The following PTPRJ variants were observed in gnomAD, a reference collection of about 807,000 sequenced individuals.
PTPRJ encodes the protein receptor-type tyrosine-protein phosphatase eta.
In PTPRJ, 129 loss-of-function variants were observed where a neutral mutation model predicts 141.3. The ratio of observed to expected loss-of-function variants is 0.91; its 90% CI spans 0.79 to 1.06. The LOEUF is 1.06. PTPRJ is among the 50% of genes least tolerant of loss of function. The pLI is 0.00. For missense variants in PTPRJ, 1,601 were observed against 1,679.7 expected, an observed-to-expected ratio of 0.95 and a Z score of 0.82; for synonymous variants, 610 against 640.5, an observed-to-expected ratio of 0.95 and a Z score of 0.72.
At chr11:48,012,934 A>T (rs1032275713) in intron 1 of PTPRJ, among the ~76,000 whole-genome samples, 2 of 151,816 alleles carry the variant, frequency 1.3e-5, no homozygotes, top group Non-Finnish European at 2.9e-5. Context: ...GTGAAACCCC[A>T]TCTCTACTAA....
intron 11 of PTPRJ, among the ~76,000 whole-genome samples, chr11:48,140,533 A>G (rs571377011): frequency 1.3e-5 from 2 of 152,330 alleles, no homozygotes; most frequent in African/African-American, 2.4e-5. Context: ...CTGGCCAGCT[A>G]CAGGGTATAG....
intron 3 of PTPRJ, among the ~76,000 whole-genome samples, chr11:48,116,135 A>G (rs1188896463): frequency 8.8e-6 from 1 of 113,104 alleles, no homozygotes; most frequent in African/African-American, 2.7e-5. Context: ...TGAATGGGTT[A>G]AAAAAAAAAA....
At position 48,170,720 on chromosome 11, in the gene PTPRJ, G is replaced by C. The variant is rs191795418; in HGVS notation, c.*3358G>C. The C allele has an allele frequency of 7.0e-6, 1 of 142,892 alleles. No individual in the cohort carries two copies. The highest frequency in any genetic ancestry group is 1.5e-5 in the Non-Finnish European group (1 of 66,128). The allele number at this position is 142,892 out of a possible 1,614,324, so 8.9% of individuals were successfully genotyped here. A position where few individuals can be genotyped will look rare whatever the true frequency, so the allele number is the denominator to read the frequency against. On this transcript the variant is annotated 3_prime_UTR_variant, in exon 25 of 25. Transcript: ENST00000418331. ...TTTTGGAATGATGCATATTTCTAAT[G>C]TTTGTTATACTTGTACAGAGTATTG...
chr11:47,983,192 T>C (rs1006929824), intron 1 of PTPRJ, among the ~76,000 whole-genome samples: 5 of 152,200 alleles, frequency 3.3e-5, no homozygotes, highest in African/African-American at 4.8e-5. Flanking sequence ...GCTATTTTTT[T>C]TTTTCCCGTG....
At chr11:48,124,291 G>A (rs1159969275) in intron 5 of PTPRJ, among the ~76,000 whole-genome samples, 1 of 152,212 alleles carries the variant, frequency 6.6e-6, no homozygotes, top group Non-Finnish European at 1.5e-5. Context: ...CACTTAATCT[G>A]CATTTTATAC....
At chr11:48,164,552 C>A (rs12225986) in intron 24 of PTPRJ, 37 bp downstream of exon 24, 140,843 of 1,433,762 alleles carry the variant, frequency 0.098, 9,015 homozygotes, top group East Asian at 0.13. Flanking sequence ...TCCACCCTTC[C>A]CCTCCATTTT....
Position 48,153,943 on chromosome 11 carries a change from C to G in PTPRJ, c.3229+57C>G, listed in dbSNP as rs924023535. 7.3e-6 allele frequency: 9 copies of G among 1,229,122 alleles called. No homozygotes were observed. In the African/African-American group the frequency reaches 1.0e-4, roughly 14 times the overall value. 76.1% of individuals were successfully genotyped at this position (1,229,122 alleles called of 1,614,324 possible). On this transcript the variant is annotated intron_variant, in intron 19 of 24. Transcript: ENST00000418331. ...TGTTCCATCAGTGGCCATCACATCT[C>G]TAAGTGTAGAGGGGAGGGAATCAGT... is the stretch of plus-strand genomic sequence containing the variant.
chr11:48,066,882 A>G (rs1276760724), intron 1 of PTPRJ, among the ~76,000 whole-genome samples: 3 of 152,052 alleles, frequency 2.0e-5, no homozygotes, highest in Non-Finnish European at 2.9e-5. Context: ...CACCGCCCCC[A>G]GCCTTCCAGT....
chr11:48,038,767 G>T (rs1043444668), intron 1 of PTPRJ, among the ~76,000 whole-genome samples: 2 of 149,916 alleles, frequency 1.3e-5, no homozygotes, highest in Non-Finnish European at 1.5e-5. Flanking sequence ...TGGGATTACA[G>T]ACATAAGCCA....
Position 48,137,294 on chromosome 11 carries a change from C to G in PTPRJ, c.2152+13C>G, listed in dbSNP as rs1165712831. ...TCATTCTGTACAGGTGAGTGTAGCC[C>G]CAACTGCCTCTTGGACTCCTCCCTG... On this transcript the variant is annotated intron_variant, in intron 10 of 24. Transcript: ENST00000418331. 6.2e-7 allele frequency: 1 copy of G among 1,608,660 alleles called. No individual in the cohort carries two copies. The highest frequency in any genetic ancestry group is 8.5e-7 in the Non-Finnish European group (1 of 1,176,146).
At chr11:48,047,504 T>A (rs1372693772) in intron 1 of PTPRJ, among the ~76,000 whole-genome samples, 2 of 151,714 alleles carry the variant, frequency 1.3e-5, no homozygotes, top group Non-Finnish European at 2.9e-5. Flanking sequence ...GGTAATTTTT[T>A]TTTTTTTTCT....
At chr11:48,125,891 G>A (rs985251103) in intron 6 of PTPRJ, among the ~76,000 whole-genome samples, 2 of 152,146 alleles carry the variant, frequency 1.3e-5, no homozygotes, top group Non-Finnish European at 2.9e-5. Context: ...TACTTGTTTT[G>A]CTAATGTGGG....
Position 48,167,261 on chromosome 11 carries a change from T to A in PTPRJ, c.3913T>A (p.Ser1305Thr). The change falls in exon 25 of 25, where the codon TCA becomes ACA. Residue 1305 changes from serine (S) to threonine (T), a missense_variant. Coordinates refer to ENST00000418331, the MANE Select transcript of PTPRJ (RefSeq NM_002843.4). ...VLDIVRSQKD[S>T]KVDLIYQNTT... ...GGATATTGTCAGATCCCAGAAAGAC[T>A]CAAAAGTAGATCTTATCTACCAGAA... The A allele has an allele frequency of 6.2e-7, 1 of 1,612,756 alleles. No individual in the cohort carries two copies. Among genetic ancestry groups the A allele is most frequent in the Non-Finnish European group, 8.5e-7 (1 of 1,178,794 alleles).
intron 18 of PTPRJ, among the ~76,000 whole-genome samples, chr11:48,152,202 G>A (rs1189599124): frequency 6.6e-6 from 1 of 152,042 alleles, no homozygotes; most frequent in Non-Finnish European, 1.5e-5. Flanking sequence ...GGCCAGCGAT[G>A]ATGAGCATTT....
chr11:48,109,052 G>T (rs1439776024), intron 1 of PTPRJ, among the ~76,000 whole-genome samples: 7 of 152,116 alleles, frequency 4.6e-5, no homozygotes, highest in Admixed American at 4.6e-4. Flanking sequence ...AGGAGGTGGC[G>T]TTTTGGGCAG....
At chr11:48,136,687 A>G (rs1019097646) in intron 9 of PTPRJ, among the ~76,000 whole-genome samples, 4 of 152,236 alleles carry the variant, frequency 2.6e-5, no homozygotes, top group Admixed American at 2.6e-4. Context: ...TAAAGATGTT[A>G]GTTTGTAATA....
chr11:48,151,995 A>G (rs1857495402), intron 18 of PTPRJ, among the ~76,000 whole-genome samples: 2 of 152,184 alleles, frequency 1.3e-5, no homozygotes, highest in African/African-American at 4.8e-5. Flanking sequence ...TGGTATTTCT[A>G]GTTTCATATC....
rs769104998 is a variant in PTPRJ, at chr11:48,130,483, G to A, written c.1382G>A (p.Arg461Gln). ...HTPPVPVSDF[R>Q]VTVVSTTEIG... ...GCCCCTGTTCCAGTTTCTGACTTCC[G>A]AGTGACAGTGGTCAGCACGACGGAG... Residue 461 changes from arginine (R) to glutamine (Q), a missense_variant, in exon 8 of 25, where the codon CGA becomes CAA. Arg to Gln is a conservative substitution (Grantham distance 43, BLOSUM62 1). Transcript: ENST00000418331. 1.9e-6 allele frequency: 3 copies of A among 1,611,282 alleles called. No homozygotes were observed. Among genetic ancestry groups the A allele is most frequent in the East Asian group, 4.5e-5 (2 of 44,688 alleles).
intron 1 of PTPRJ, among the ~76,000 whole-genome samples, chr11:47,991,342 T>C (rs2134179049): frequency 6.6e-6 from 1 of 152,266 alleles, no homozygotes; most frequent in East Asian, 1.9e-4. Flanking sequence ...CTTTATCTTG[T>C]GACCTGGCCA....
Sources: gnomAD v4.1 joint callset for allele counts (sites outside exome capture counted in the v4.1 genomes callset) on GRCh38, gnomAD v4.1.1 for gene constraint, MANE v1.5 for transcripts, NCBI Gene and HGNC (gene_info 2026-07-23, HGNC 2026-07-21) for gene names.